MRPS30: variants seen among roughly 807,000 people sequenced by gnomAD.
The protein encoded by MRPS30 is mitochondrial ribosomal protein S30, also known as large ribosomal subunit protein mL65.
A neutral mutation model predicts 43.8 loss-of-function variants in MRPS30; 42 were observed. That is an observed-to-expected ratio of 0.96 (90% CI 0.75 to 1.24). The LOEUF (loss-of-function observed/expected upper bound fraction) is 1.24. MRPS30 is among the 50% of genes most tolerant of loss of function. The pLI is 0.00. For missense variants in MRPS30, 638 were observed against 570.0 expected (o/e 1.12, Z -1.22); for synonymous variants, 273 against 228.2 (o/e 1.20, Z -1.77).
At chr5:44,812,495 C>T (rs1179966849) in intron 3 of MRPS30, among the ~76,000 whole-genome samples, 1 of 152,036 alleles carries the variant, frequency 6.6e-6, no homozygotes, top group Non-Finnish European at 1.5e-5. Flanking sequence ...GTGAAGAAGT[C>T]TTAAGAAGGT....
intron 4 of MRPS30, 128 bp from the exon 5 acceptor site, chr5:44,814,785 C>T (rs1195881899): frequency 3.6e-6 from 3 of 826,916 alleles, no homozygotes; most frequent in Non-Finnish European, 5.7e-6. Context: ...TTGAGGTCTT[C>T]AGGGATTTTG....
chr5:44,810,575 G>C (rs1329061327), intron 1 of MRPS30, among the ~76,000 whole-genome samples: 1 of 152,072 alleles, frequency 6.6e-6, no homozygotes, highest in African/African-American at 2.4e-5. Flanking sequence ...AAGCGTCATG[G>C]ACTTAGACTA....
At chr5:44,814,689 C>A (rs1348938818) in intron 4 of MRPS30, among the ~76,000 whole-genome samples, 1 of 152,036 alleles carries the variant, frequency 6.6e-6, no homozygotes, top group Non-Finnish European at 1.5e-5. Flanking sequence ...AAAGATTAAT[C>A]ATGAGATTGA....
chr5:44,811,567 T>C (rs1358489811), intron 2 of MRPS30, among the ~76,000 whole-genome samples: 2 of 152,220 alleles, frequency 1.3e-5, no homozygotes, highest in African/African-American at 4.8e-5. Context: ...ATTTTGAGTA[T>C]TGTCTATGCT....
Position 44,811,020 on chromosome 5 carries a change from C to A in MRPS30, c.613C>A (p.Pro205Thr), listed in dbSNP as rs1480786426. ...TATCTTTTTGATAGATTATAGATGCCCAGTTCATTTTTACTGGGTGCGTGG... is the reference window on the plus strand; with the variant it reads ...TATCTTTTTGATAGATTATAGATGCACAGTTCATTTTTACTGGGTGCGTGG... ...LAAAALDYRC[P>T]VHFYWVRGEE... is the part of the protein sequence containing the mutation. Residue 205 changes from proline (P) to threonine (T), a missense_variant, in exon 2 of 5, where the codon CCA becomes ACA. Physicochemically the swap from Pro to Thr is conservative, Grantham distance 38. Transcript: ENST00000507110. 6.2e-7 allele frequency: 1 copy of A among 1,613,144 alleles called. No homozygotes were observed. Among genetic ancestry groups the A allele is most frequent in the African/African-American group, 1.3e-5 (1 of 74,804 alleles).
intron 1 of MRPS30, among the ~76,000 whole-genome samples, chr5:44,810,387 C>A (rs1742818825): frequency 6.6e-6 from 1 of 152,104 alleles, no homozygotes; most frequent in South Asian, 2.1e-4. Flanking sequence ...AAGTAATTAA[C>A]GTATAAATAA....
In MRPS30 at chr5:44,809,024, C is replaced by T; in HGVS notation, c.62C>T (p.Ala21Val). The T allele has an allele frequency of 1.2e-6, 2 of 1,609,662 alleles. No homozygotes were observed. The highest frequency in any genetic ancestry group is 1.7e-6 in the Non-Finnish European group (2 of 1,178,678). ...GGTCCGAGGCTTTCATTGCACACCG[C>T]GGCTAATGCCGCCGCCACGGCTACA... ...LRGPRLSLHT[A>V]ANAAATATET... Residue 21 changes from alanine to valine, a missense_variant, in exon 1 of 5, where the codon GCG (alanine) becomes GTG (valine). Transcript: ENST00000507110.
At position 44,809,480 on chromosome 5, in the gene MRPS30, CTT is replaced by C; in HGVS notation, c.520_521del (p.Leu174AlafsTer29). The C allele has an allele frequency of 6.2e-7, 1 of 1,614,000 alleles. No homozygotes were observed. On this transcript the variant is annotated frameshift_variant, in exon 1 of 5. Transcript: ENST00000507110. LOFTEE classifies it high-confidence loss of function. ...CGTTACGAGGAGAGCGAGGTCATAT[CTT>C]TGCCCTTCCTGGATCAGCTGGTGTC...
At chr5:44,812,323 G>C (rs1397475807) in intron 3 of MRPS30, among the ~76,000 whole-genome samples, 1 of 152,122 alleles carries the variant, frequency 6.6e-6, no homozygotes, top group Non-Finnish European at 1.5e-5. Flanking sequence ...AAAACTTTTA[G>C]AACTGGACTT....
In MRPS30 at chr5:44,813,223, T is replaced by C; in HGVS notation, c.971T>C (p.Phe324Ser). The C allele has an allele frequency of 1.2e-6, 2 of 1,612,582 alleles. No individual in the cohort carries two copies. The highest frequency in any genetic ancestry group is 1.7e-5 in the Admixed American group (1 of 59,698). ...QNCADQIEVV[F>S]RANAIASLFA... is the part of the protein sequence containing the mutation. ...TGTGCTGATCAGATAGAAGTTGTTT[T>C]TAGAGCTAATGCTATTGCAAGCCTT... Residue 324 changes from phenylalanine to serine, a missense_variant, in exon 4 of 5, where the codon TTT becomes TCT. Coordinates refer to ENST00000507110, the MANE Select transcript of MRPS30 (RefSeq NM_016640.4).
chr5:44,813,420 G>T (rs909570595), intron 4 of MRPS30, 138 bp downstream of exon 4: 3 of 690,386 alleles, frequency 4.3e-6, no homozygotes, highest in Non-Finnish European at 6.7e-6. Context: ...ACAAAGTACA[G>T]TTGTTTTAAA....
At chr5:44,810,959 A>C in intron 1 of MRPS30, 50 bp from the exon 2 acceptor site, 1 of 1,550,320 alleles carries the variant, frequency 6.5e-7, no homozygotes, top group South Asian at 1.1e-5. Flanking sequence ...ATAGTAACCA[A>C]ATTTATTTAG....
intron 4 of MRPS30, among the ~76,000 whole-genome samples, chr5:44,814,508 G>A (rs1454656931): frequency 1.3e-5 from 2 of 152,154 alleles, no homozygotes; most frequent in Non-Finnish European, 2.9e-5. Flanking sequence ...TATGTCAACA[G>A]TATTACTCAT....
In MRPS30 at chr5:44,809,301, G is replaced by C. The variant is rs1351917015; in HGVS notation, c.339G>C (p.Val113=). 1 of 1,612,912 alleles carries C rather than the reference G, an allele frequency of 6.2e-7. No individual in the cohort carries two copies. Among genetic ancestry groups the C allele is most frequent in the African/African-American group, 1.3e-5 (1 of 74,908 alleles). Residue 113 remains valine (V), a synonymous_variant, in exon 1 of 5, where the codon GTG becomes GTC. Coordinates refer to ENST00000507110, the MANE Select transcript of MRPS30 (RefSeq NM_016640.4). ...DRWYQYFTKT[V]FLSGLPPPPA... ...GGTACCAGTACTTCACCAAGACCGT[G>C]TTCCTGTCGGGTCTGCCGCCGCCCC... is the stretch of plus-strand genomic sequence containing the variant.
intron 4 of MRPS30, 52 bp downstream of exon 4, chr5:44,813,334 G>T: frequency 1.4e-6 from 2 of 1,434,688 alleles, no homozygotes; most frequent in South Asian, 1.5e-5. Flanking sequence ...AACATTCTAA[G>T]AATATAATGG....
intron 2 of MRPS30, 144 bp from the exon 3 acceptor site, chr5:44,811,771 T>C (rs1742842619): frequency 1.9e-6 from 1 of 537,668 alleles, no homozygotes. Context: ...GGTGGCTTGC[T>C]CGATTTGGCC....
At chr5:44,809,596 G>C in intron 1 of MRPS30, 33 bp downstream of exon 1, 1 of 1,539,966 alleles carries the variant, frequency 6.5e-7, no homozygotes, top group Non-Finnish European at 8.8e-7. Context: ...GGGCGGAAGG[G>C]AGAGATGGGG....
At chr5:44,812,730 A>C (rs1000971075) in intron 3 of MRPS30, among the ~76,000 whole-genome samples, 4 of 152,200 alleles carry the variant, frequency 2.6e-5, no homozygotes, top group Non-Finnish European at 4.4e-5. Context: ...TCATTAAATA[A>C]GTTATTAAAG....
rs1259434262 is a variant in MRPS30, at chr5:44,809,133, TG to T, written c.172del (p.Ala58HisfsTer19). 1 of 1,612,066 alleles carries T rather than the reference TG, an allele frequency of 6.2e-7. No homozygotes were observed. The highest frequency in any genetic ancestry group is 1.7e-5 in the Admixed American group (1 of 59,882). ...CCTCCATGACAGCCGACAGCAAAGC[TG>T]CACGGCTGCGGCGGATCGAGCGCTG... The part of the protein sequence containing the change: ...VASMTADSKA[A>X]RLRRIERWQA... On this transcript the variant is annotated frameshift_variant, in exon 1 of 5. Transcript: ENST00000507110. LOFTEE classifies it high-confidence loss of function.
Sources: gnomAD v4.1 joint callset for allele counts (sites outside exome capture counted in the v4.1 genomes callset) on GRCh38, gnomAD v4.1.1 for gene constraint, MANE v1.5 for transcripts, NCBI Gene and HGNC (gene_info 2026-07-23, HGNC 2026-07-21) for gene names.